SLC17A3: variants seen among roughly 807,000 people sequenced by gnomAD.
SLC17A3 encodes the protein solute carrier family 17 member 3, also known as sodium-dependent phosphate transport protein 4.
In SLC17A3, 61 loss-of-function variants were observed where a neutral mutation model predicts 60.3. The observed-to-expected ratio is 1.01, with a 90% CI of 0.82 to 1.25. The LOEUF (loss-of-function observed/expected upper bound fraction) is 1.25, where lower values mean the gene tolerates loss of function less well. Among genes scored for constraint, SLC17A3 ranks in the 50% most tolerant of loss-of-function variants. SLC17A3 has a pLI of 0.00. For missense variants in SLC17A3, 624 were observed against 594.9 expected, an observed-to-expected ratio of 1.05 and a Z score of -0.51; for synonymous variants, 192 against 208.9, an observed-to-expected ratio of 0.92 and a Z score of 0.70.
chr6:25,866,870 T>G (rs1765543950), intron 2 of SLC17A3, among the ~76,000 whole-genome samples: 1 of 151,956 alleles, frequency 6.6e-6, no homozygotes, highest in African/African-American at 2.4e-5. Flanking sequence ...GAAAATACTA[T>G]TGGTGCAATA....
intron 6 of SLC17A3, among the ~76,000 whole-genome samples, chr6:25,853,905 TATTGATTTTC>T (rs989388819): frequency 6.6e-6 from 1 of 152,196 alleles, no homozygotes; most frequent in Non-Finnish European, 1.5e-5. Context: ...AAATTTGATA[TATTGATTTTC>T]ATTTTCATTC....
In SLC17A3 at chr6:25,845,392, G is replaced by T; in HGVS notation, c.1487C>A (p.Thr496Asn). The T allele has an allele frequency of 6.2e-7, 1 of 1,613,898 alleles. No homozygotes were observed. Among genetic ancestry groups the T allele is most frequent in the Non-Finnish European group, 8.5e-7 (1 of 1,179,900 alleles). The change falls in exon 12 of 13, where the codon ACT (threonine) becomes AAT (asparagine). Residue 496 changes from threonine to asparagine, a missense_variant. By Grantham distance (65) the Thr-to-Asn change is moderately conservative. Coordinates refer to ENST00000397060, the MANE Select transcript of SLC17A3 (RefSeq NM_001098486.2). Reference sequence around the variant, plus strand: ...CACTATCCTTTACCTTCATAAACGAGTGAGTTTTCTCTCTTTAGCCCATTC... The same window carrying T: ...CACTATCCTTTACCTTCATAAACGATTGAGTTTTCTCTCTTTAGCCCATTC... ...VQEWAKERKLTRL is the reference protein window; with the variant it reads ...VQEWAKERKLNRL
intron 6 of SLC17A3, among the ~76,000 whole-genome samples, chr6:25,854,169 CTCT>C (rs1765323713): frequency 1.3e-5 from 2 of 152,088 alleles, no homozygotes; most frequent in Admixed American, 1.3e-4. Flanking sequence ...AAAATAAGTA[CTCT>C]ACTGTTGTTG....
chr6:25,858,364 C>T lies in SLC17A3; in HGVS notation c.626-3134G>A, dbSNP rs76952513. On this transcript the variant is annotated intron_variant, in intron 5 of 12. Coordinates refer to ENST00000397060, the MANE Select transcript of SLC17A3 (RefSeq NM_001098486.2). The stretch of plus-strand genomic sequence containing the variant: ...CATTTTCACTCTCAAAACACTGACA[C>T]GGTTCTTGTTAAGGTGTTTTGTGAC... Among the ~76,000 whole-genome samples the T allele has an allele frequency of 2.4e-3, 373 of 152,250 alleles. 2 individuals are homozygous for T. The highest frequency in any genetic ancestry group is 3.3e-3 in the Non-Finnish European group (225 of 68,016).
intron 5 of SLC17A3, among the ~76,000 whole-genome samples, chr6:25,857,265 T>C (rs1171726110): frequency 6.6e-6 from 1 of 151,876 alleles, no homozygotes; most frequent in African/African-American, 2.4e-5. Flanking sequence ...TTGCACGTTT[T>C]TCTATCTTTA....
At position 25,849,925 on chromosome 6, in the gene SLC17A3, A is replaced by G; in HGVS notation, c.1151T>C (p.Val384Ala). 6.2e-7 allele frequency: 1 copy of G among 1,614,112 alleles called. No homozygotes were observed. Among genetic ancestry groups the G allele is most frequent in the Non-Finnish European group, 8.5e-7 (1 of 1,179,908 alleles). ...GCCGGAATTGAGGTAAGGCAGAGAC[A>G]CAATGAGTGCTGAAGAGGGGAGACT... ...LGSLPSSALI[V>A]SLPYLNSGYI... Residue 384 changes from valine to alanine, a missense_variant, in exon 10 of 13, where the codon GTG becomes GCG. Coordinates refer to ENST00000397060, the MANE Select transcript of SLC17A3 (RefSeq NM_001098486.2).
At chr6:25,846,700 T>TCCTGGGTTCAAGCA (rs1270450681) in intron 11 of SLC17A3, among the ~76,000 whole-genome samples, 2 of 152,100 alleles carry the variant, frequency 1.3e-5, no homozygotes, top group East Asian at 3.9e-4. Flanking sequence ...AGCCTCCGCC[T>TCCTGGGTTCAAGCA]CCTGGGTTCA....
chr6:25,854,597 A>G (rs991244225), intron 6 of SLC17A3, among the ~76,000 whole-genome samples: 2 of 152,252 alleles, frequency 1.3e-5, no homozygotes, highest in Non-Finnish European at 2.9e-5. Context: ...AGTAGAATGT[A>G]AAAGCTACTA....
At chr6:25,870,660 A>G (rs971485136) in intron 1 of SLC17A3, among the ~76,000 whole-genome samples, 1 of 152,030 alleles carries the variant, frequency 6.6e-6, no homozygotes, top group African/African-American at 2.4e-5. Flanking sequence ...GTGCTGCATC[A>G]TCAACCACTG....
At chr6:25,869,726 C>A (rs1262215217) in intron 1 of SLC17A3, among the ~76,000 whole-genome samples, 1 of 151,940 alleles carries the variant, frequency 6.6e-6, no homozygotes, top group East Asian at 1.9e-4. Context: ...ACCATGAGAA[C>A]AGTATGGGGG....
In SLC17A3 at chr6:25,868,252, A is replaced by C. The variant is rs77354871; in HGVS notation, c.91+45T>G. The C allele has an allele frequency of 8.4e-3, 11,300 of 1,342,824 alleles. 505 individuals carry two copies. In the African/African-American group the frequency reaches 0.12, roughly 14 times the overall value. The allele number at this position is 1,342,824 out of a possible 1,614,324, so 83.2% of individuals were successfully genotyped here. A position where few individuals can be genotyped will look rare whatever the true frequency, so the allele number is the denominator to read the frequency against. On this transcript the variant is annotated intron_variant, in intron 2 of 12. Transcript: ENST00000397060. ...TTATAGTAATACGTTGACAAAAAGA[A>C]TTCACTGTAAAATCCTAAAACCAAG...
intron 11 of SLC17A3, among the ~76,000 whole-genome samples, chr6:25,848,658 C>T (rs2151518629): frequency 6.6e-6 from 1 of 152,234 alleles, no homozygotes; most frequent in East Asian, 1.9e-4. Flanking sequence ...TAGAAGATAA[C>T]ATCAGAAAAA....
rs192925001 is a variant in SLC17A3, at chr6:25,848,333, A to T, written c.1362+1041T>A. ...TTAAGGAATATCCACACTGTTTTTC[A>T]TGCTGGTTGTACTAGTTTACATTCC... On this transcript the variant is annotated intron_variant, in intron 11 of 12. Transcript: ENST00000397060. Among the ~76,000 whole-genome samples, 462 of 152,332 alleles carry T rather than the reference A, an allele frequency of 3.0e-3. 4 individuals carry two copies. Among genetic ancestry groups the T allele is most frequent in the Admixed American group, 9.4e-3 (144 of 15,300 alleles).
chr6:25,859,571 C>T (rs1468255231), intron 5 of SLC17A3, among the ~76,000 whole-genome samples: 2 of 152,210 alleles, frequency 1.3e-5, no homozygotes, highest in Non-Finnish European at 2.9e-5. Flanking sequence ...AAACACAAAG[C>T]CATGGCAGTT....
At chr6:25,848,530 G>C (rs925255397) in intron 11 of SLC17A3, among the ~76,000 whole-genome samples, 1 of 152,108 alleles carries the variant, frequency 6.6e-6, no homozygotes, top group Non-Finnish European at 1.5e-5. Context: ...ATAGTGCTGG[G>C]ATAATTGGAA....
intron 1 of SLC17A3, among the ~76,000 whole-genome samples, chr6:25,870,177 T>C (rs1272229013): frequency 6.6e-6 from 1 of 151,986 alleles, no homozygotes; most frequent in Non-Finnish European, 1.5e-5. Flanking sequence ...AGTATTAATG[T>C]CTCTTCAGAT....
chr6:25,863,758 A>G (rs955003897), intron 2 of SLC17A3, among the ~76,000 whole-genome samples: 2 of 152,092 alleles, frequency 1.3e-5, no homozygotes, highest in African/African-American at 4.8e-5. Context: ...GGATAAATCT[A>G]TTCAATGCAG....
intron 1 of SLC17A3, among the ~76,000 whole-genome samples, chr6:25,871,572 G>A (rs1003883024): frequency 6.6e-6 from 1 of 151,646 alleles, no homozygotes; most frequent in Non-Finnish European, 1.5e-5. Flanking sequence ...CACCAACATG[G>A]CACATGTATA....
chr6:25,850,225 C>T (rs1765250194), intron 8 of SLC17A3, 48 bp from the exon 9 acceptor site: 5 of 1,584,172 alleles, frequency 3.2e-6, no homozygotes, highest in Non-Finnish European at 4.3e-6. Flanking sequence ...GCAGTGAGAC[C>T]ACAACTTTTG....
Sources: gnomAD v4.1 joint callset for allele counts (sites outside exome capture counted in the v4.1 genomes callset) on GRCh38, gnomAD v4.1.1 for gene constraint, MANE v1.5 for transcripts, NCBI Gene and HGNC (gene_info 2026-07-23, HGNC 2026-07-21) for gene names.